The following CNTN5 variants were observed in gnomAD, a reference collection of about 807,000 sequenced individuals.
CNTN5 encodes contactin-5.
A neutral mutation model predicts 129.1 loss-of-function variants in CNTN5; 77 were observed. That is an observed-to-expected ratio of 0.60 (90% CI 0.50 to 0.72). The LOEUF is 0.72. CNTN5 is among the 30% of genes least tolerant of loss of function. CNTN5 has a pLI of 0.00. For synonymous variants in CNTN5, 509 were observed against 465.6 expected (o/e 1.09, Z -1.20); for missense variants, 1,478 against 1,328.8 (o/e 1.11, Z -1.75).
At chr11:99,488,310 C>T (rs1040696934) in intron 2 of CNTN5, among the ~76,000 whole-genome samples, 2 of 151,834 alleles carry the variant, frequency 1.3e-5, no homozygotes, top group African/African-American at 4.8e-5. Flanking sequence ...GTAGCTGCAA[C>T]TATAGGCATG....
intron 2 of CNTN5, among the ~76,000 whole-genome samples, chr11:99,366,029 G>A (rs1446385910): frequency 1.3e-5 from 2 of 152,078 alleles, no homozygotes; most frequent in African/African-American, 2.4e-5. Context: ...AGTTGTCAGA[G>A]GAAAGCCCTG....
intron 8 of CNTN5, among the ~76,000 whole-genome samples, chr11:99,996,067 G>A (rs1939424384): frequency 6.6e-6 from 1 of 152,052 alleles, no homozygotes; most frequent in African/African-American, 2.4e-5. Flanking sequence ...CTTTAACCGT[G>A]TCCTTTTTTC....
intron 1 of CNTN5, among the ~76,000 whole-genome samples, chr11:99,265,029 A>G (rs1317091827): frequency 6.6e-6 from 1 of 152,110 alleles, no homozygotes; most frequent in African/African-American, 2.4e-5. Flanking sequence ...TCCCTGTTAA[A>G]TGTATTTAAG....
chr11:99,174,720 A>G (rs1857690591), intron 1 of CNTN5, among the ~76,000 whole-genome samples: 1 of 152,046 alleles, frequency 6.6e-6, no homozygotes, highest in South Asian at 2.1e-4. Context: ...CCCATAATTT[A>G]TTATTTAAAT....
chr11:99,333,963 C>T (rs72983753), intron 2 of CNTN5, among the ~76,000 whole-genome samples: 2 of 61,198 alleles, frequency 3.3e-5, no homozygotes, highest in Non-Finnish European at 6.1e-5. Context: ...AACTTTCTCT[C>T]TCTCTCTCTC....
At chr11:99,916,170 T>TTGC (rs759672076) in intron 7 of CNTN5, 21 bp downstream of exon 7, 9 of 1,572,948 alleles carry the variant, frequency 5.7e-6, no homozygotes, top group African/African-American at 2.7e-5. Flanking sequence ...ATCTCATTCT[T>TTGC]TGCTGCTGCT....
At chr11:100,258,150 T>C (rs1389697926) in intron 17 of CNTN5, among the ~76,000 whole-genome samples, 1 of 151,972 alleles carries the variant, frequency 6.6e-6, no homozygotes, top group East Asian at 1.9e-4. Context: ...TACAGAAGTA[T>C]CAATAGCCAA....
At chr11:99,203,849 C>T (rs12799194) in intron 1 of CNTN5, among the ~76,000 whole-genome samples, 1 of 152,140 alleles carries the variant, frequency 6.6e-6, no homozygotes, top group African/African-American at 2.4e-5. Context: ...CCACCCGACT[C>T]AGCCTCCCAA....
intron 9 of CNTN5, among the ~76,000 whole-genome samples, chr11:100,053,823 CGTCTGGATAAACAAACT>C (rs1386351261): frequency 3.3e-5 from 5 of 151,684 alleles, no homozygotes; most frequent in African/African-American, 1.2e-4. Flanking sequence ...AGTCAGCAGG[CGTCTGGATAAACAAACT>C]GTAGCATATC....
chr11:100,044,140 G>C (rs574145370), intron 9 of CNTN5, among the ~76,000 whole-genome samples: 2 of 133,142 alleles, frequency 1.5e-5, no homozygotes, highest in African/African-American at 5.8e-5. Context: ...ATGTACATGT[G>C]TATGTACACA....
At chr11:99,895,446 A>G (rs1324763510) in intron 6 of CNTN5, among the ~76,000 whole-genome samples, 1 of 152,236 alleles carries the variant, frequency 6.6e-6, no homozygotes, top group Non-Finnish European at 1.5e-5. Flanking sequence ...AGATAGTGCC[A>G]TGCCTTTCTC....
chr11:100,084,319 C>T (rs1944468780), intron 13 of CNTN5, among the ~76,000 whole-genome samples: 1 of 152,014 alleles, frequency 6.6e-6, no homozygotes, highest in Non-Finnish European at 1.5e-5. Context: ...AGTATATGCT[C>T]CTAACTGATT....
chr11:99,272,262 T>G (rs1863208088), intron 1 of CNTN5, among the ~76,000 whole-genome samples: 1 of 151,776 alleles, frequency 6.6e-6, no homozygotes, highest in Non-Finnish European at 1.5e-5. Context: ...GTACTTGTGT[T>G]TTTATATTCA....
intron 2 of CNTN5, among the ~76,000 whole-genome samples, chr11:99,388,505 T>C (rs992711849): frequency 6.6e-6 from 1 of 151,758 alleles, no homozygotes; most frequent in African/African-American, 2.4e-5. Flanking sequence ...GCAGATATAG[T>C]GCCATGCGTA....
intron 6 of CNTN5, among the ~76,000 whole-genome samples, chr11:99,900,965 G>A (rs540517473): frequency 5.3e-5 from 8 of 151,908 alleles, no homozygotes; most frequent in East Asian, 3.9e-4. Context: ...TCAGAATGTC[G>A]GCTCTGGCAT....
At chr11:99,114,795 T>C (rs1448055905) in intron 1 of CNTN5, among the ~76,000 whole-genome samples, 12 of 152,156 alleles carry the variant, frequency 7.9e-5, no homozygotes. Flanking sequence ...TATGAGAGGT[T>C]GTCATAAGTA....
At chr11:99,653,890 C>T (rs954235244) in intron 3 of CNTN5, among the ~76,000 whole-genome samples, 1 of 151,614 alleles carries the variant, frequency 6.6e-6, no homozygotes. Flanking sequence ...TGTTAGGCAG[C>T]TTCTAAACTG....
intron 13 of CNTN5, among the ~76,000 whole-genome samples, chr11:100,185,219 G>T (rs1948262283): frequency 6.6e-6 from 1 of 151,994 alleles, no homozygotes; most frequent in Admixed American, 6.6e-5. Context: ...TTAACTTTTG[G>T]GGGGTTTTGT....
At chr11:99,379,296 GA>G (rs1291309359) in intron 2 of CNTN5, among the ~76,000 whole-genome samples, 3 of 150,104 alleles carry the variant, frequency 2.0e-5, no homozygotes, top group South Asian at 2.1e-4. Context: ...TGATGAAGTT[GA>G]TTTTTTTTAT....
Sources: allele counts gnomAD v4.1 joint callset (sites outside exome capture counted in the v4.1 genomes callset), GRCh38; gene constraint gnomAD v4.1.1; transcripts MANE v1.5; gene names NCBI Gene and HGNC (gene_info 2026-07-23, HGNC 2026-07-21).